Variants in ANXA13 observed in about 807,000 individuals in gnomAD.
ANXA13 encodes annexin A13, also known as annexin XIII.
ANXA13 carries 36 observed loss-of-function variants against 46.6 expected under a neutral mutation model. The observed-to-expected ratio is 0.77, with a 90% CI of 0.59 to 1.02. The LOEUF (loss-of-function observed/expected upper bound fraction) is 1.02. ANXA13 is among the 50% of genes least tolerant of loss of function. ANXA13 has a pLI of 0.00. For synonymous variants in ANXA13, 163 were observed against 152.9 expected (o/e 1.07, Z -0.49); for missense variants, 417 against 396.5 (o/e 1.05, Z -0.44).
chr8:123,723,014 G>A (rs550947986), intron 1 of ANXA13, among the ~76,000 whole-genome samples: 48 of 152,370 alleles, frequency 3.2e-4, no homozygotes, highest in African/African-American at 1.0e-3. Context: ...CACGAAGCCA[G>A]TGGGATGGCC....
At position 123,716,196 on chromosome 8, in the gene ANXA13, C is replaced by T. The variant is rs1251744095; in HGVS notation, c.16-3443G>A. ...TGCCTCCCGGGTTCAAGCGATTCTC[C>T]TGCCTCAGCCACCCAAGTAGCTGGG... On this transcript the variant is annotated intron_variant, in intron 1 of 10. Transcript: ENST00000419625. 1.3e-5 allele frequency among the ~76,000 whole-genome samples: 2 copies of T among 152,202 alleles called. 1 individual carries two copies. The highest frequency in any genetic ancestry group is 4.8e-5 in the African/African-American group (2 of 41,456).
At chr8:123,687,288 G>T (rs1050104605) in intron 9 of ANXA13, among the ~76,000 whole-genome samples, 1 of 152,178 alleles carries the variant, frequency 6.6e-6, no homozygotes, top group Non-Finnish European at 1.5e-5. Context: ...TCAGAACCAG[G>T]CTGTGAGTAG....
At chr8:123,717,275 G>A (rs145696767) in intron 1 of ANXA13, among the ~76,000 whole-genome samples, 2 of 152,160 alleles carry the variant, frequency 1.3e-5, no homozygotes, top group African/African-American at 2.4e-5. Context: ...TGAGGTTTAC[G>A]TGAAATAACT....
At chr8:123,689,096 T>C (rs1243314051) in intron 8 of ANXA13, 150 bp from the exon 9 acceptor site, 10 of 695,798 alleles carry the variant, frequency 1.4e-5, no homozygotes, top group East Asian at 2.8e-5. Context: ...CCTTGTAGGA[T>C]TGGGGTGTTT....
chr8:123,728,662 A>G (rs930994902), intron 1 of ANXA13: 4 of 152,208 alleles, frequency 2.6e-5, no homozygotes, highest in African/African-American at 9.6e-5. Context: ...AGTCAACAGT[A>G]TGTGGACAAG....
intron 1 of ANXA13, among the ~76,000 whole-genome samples, chr8:123,727,136 C>G (rs1814015815): frequency 6.6e-6 from 1 of 152,186 alleles, no homozygotes; most frequent in Non-Finnish European, 1.5e-5. Context: ...ACCAAAATCT[C>G]ACAAATGACC....
chr8:123,730,827 T>C (rs575658727), intron 1 of ANXA13, among the ~76,000 whole-genome samples: 3 of 152,242 alleles, frequency 2.0e-5, no homozygotes, highest in South Asian at 4.2e-4. Flanking sequence ...AGTCACATCT[T>C]ACATGGCAGC....
intron 2 of ANXA13, among the ~76,000 whole-genome samples, chr8:123,708,814 C>T (rs184644883): frequency 6.6e-6 from 1 of 152,140 alleles, no homozygotes; most frequent in Admixed American, 6.5e-5. Context: ...TTCCTTGCCC[C>T]TCCTGGCTTC....
At chr8:123,710,287 A>T (rs553528211) in intron 2 of ANXA13, among the ~76,000 whole-genome samples, 3 of 152,342 alleles carry the variant, frequency 2.0e-5, no homozygotes, top group Admixed American at 2.0e-4. Flanking sequence ...GATTCTATTT[A>T]TGTGAAATGT....
chr8:123,695,360 G>T, intron 6 of ANXA13, 142 bp downstream of exon 6: 2 of 664,688 alleles, frequency 3.0e-6, no homozygotes, highest in South Asian at 1.9e-5. Context: ...TGGGCTGATG[G>T]AGCATGGGTT....
At chr8:123,729,511 C>T (rs1814068275) in intron 1 of ANXA13, among the ~76,000 whole-genome samples, 2 of 152,254 alleles carry the variant, frequency 1.3e-5, no homozygotes, top group South Asian at 4.1e-4. Flanking sequence ...GAAAGATTTT[C>T]CTCCCTGATA....
intron 3 of ANXA13, among the ~76,000 whole-genome samples, chr8:123,699,073 C>T (rs1009135477): frequency 6.6e-6 from 1 of 152,154 alleles, no homozygotes; most frequent in African/African-American, 2.4e-5. Flanking sequence ...ATGGGAAGAA[C>T]GACGGCCTGT....
intron 4 of ANXA13, among the ~76,000 whole-genome samples, chr8:123,696,035 G>A (rs1278129297): frequency 1.3e-5 from 2 of 151,950 alleles, no homozygotes; most frequent in East Asian, 3.9e-4. Flanking sequence ...CTCCTCGCCT[G>A]GTCTCACTCT....
intron 2 of ANXA13, among the ~76,000 whole-genome samples, chr8:123,706,001 G>A (rs546816539): frequency 2.0e-5 from 3 of 152,192 alleles, no homozygotes; most frequent in Non-Finnish European, 2.9e-5. Context: ...TCCTTGAACC[G>A]TTCACTTAAC....
intron 1 of ANXA13, among the ~76,000 whole-genome samples, chr8:123,731,906 G>T (rs949449354): frequency 4.6e-5 from 7 of 152,020 alleles, no homozygotes; most frequent in African/African-American, 1.5e-4. Context: ...AAACCCAGAT[G>T]GTTCTAAAAC....
At chr8:123,713,160 G>A (rs1010439141) in intron 1 of ANXA13, among the ~76,000 whole-genome samples, 1 of 152,192 alleles carries the variant, frequency 6.6e-6, no homozygotes, top group African/African-American at 2.4e-5. Flanking sequence ...CAGAGGCTGA[G>A]GGTTCTAGGA....
At position 123,737,316 on chromosome 8, in the gene ANXA13, T is replaced by C; in HGVS notation, c.15+4A>G. The C allele has an allele frequency of 6.2e-7, 1 of 1,611,090 alleles. No homozygotes were observed. Among genetic ancestry groups the C allele is most frequent in the Non-Finnish European group, 8.5e-7 (1 of 1,178,404 alleles). On this transcript the variant is annotated splice_donor_region_variant and intron_variant, in intron 1 of 10. Coordinates refer to ENST00000419625, the MANE Select transcript of ANXA13 (RefSeq NM_004306.4). ...ACCAATTCCCAAAGGCAATGAGTAC[T>C]TACATGACGATTGCCCATTTTCCTT...
At chr8:123,728,586 A>G (rs1482464381) in intron 1 of ANXA13, 1 of 152,202 alleles carries the variant, frequency 6.6e-6, no homozygotes. Context: ...GATGGAATTG[A>G]AAAGTGAGAA....
At chr8:123,693,470 A>G (rs972299754) in intron 7 of ANXA13, among the ~76,000 whole-genome samples, 172 bp from the exon 8 acceptor site, 1 of 152,222 alleles carries the variant, frequency 6.6e-6, no homozygotes, top group Non-Finnish European at 1.5e-5. Flanking sequence ...ATACTTATTT[A>G]TATTGTTTAT....
Sources: allele counts gnomAD v4.1 joint callset (sites outside exome capture counted in the v4.1 genomes callset), GRCh38; gene constraint gnomAD v4.1.1; transcripts MANE v1.5; gene names NCBI Gene and HGNC (gene_info 2026-07-23, HGNC 2026-07-21).